The following SMG7 variants were observed in gnomAD, a reference collection of about 807,000 sequenced individuals.
SMG7 encodes SMG7 nonsense mediated mRNA decay factor.
Under a neutral mutation model 148.2 loss-of-function variants are expected in SMG7, and 34 were observed. The observed-to-expected ratio is 0.23, with a 90% CI of 0.17 to 0.31. The LOEUF is 0.31. Among genes scored for constraint, SMG7 ranks in the 10% least tolerant of loss-of-function variants. The pLI is 1.00. For synonymous variants in SMG7, 492 were observed against 515.1 expected (o/e 0.96, Z 0.61); for missense variants, 1,114 against 1,408.4 (o/e 0.79, Z 3.35).
intron 2 of SMG7, among the ~76,000 whole-genome samples, chr1:183,515,602 A>G (rs1259596290): frequency 7.0e-6 from 1 of 141,986 alleles, no homozygotes; most frequent in Non-Finnish European, 1.5e-5. Flanking sequence ...AGGGCAAACC[A>G]TTCTTTTTTT....
Position 183,553,404 on chromosome 1 carries a change from G to A in SMG7, c.*1473G>A, listed in dbSNP as rs903520358. 1.0e-5 allele frequency: 6 copies of A among 585,776 alleles called. No individual in the cohort carries two copies. The African/African-American group carries it at 1.1e-4, about 11-fold the overall frequency. The allele number at this position is 585,776 out of a possible 1,614,324, so 36.3% of individuals were successfully genotyped here. A position where few individuals can be genotyped will look rare whatever the true frequency, so the allele number is the denominator to read the frequency against. On this transcript the variant is annotated 3_prime_UTR_variant, in exon 23 of 23. Coordinates refer to ENST00000688051, the MANE Select transcript of SMG7 (RefSeq NM_001375584.1). ...CTCTCCTTTGTGTGTCTGTATGTTT[G>A]TGTACACACACGTGCCCATCTGCTG...
At chr1:183,532,253 G>T (rs1342101552) in intron 8 of SMG7, among the ~76,000 whole-genome samples, 1 of 152,090 alleles carries the variant, frequency 6.6e-6, no homozygotes, top group Non-Finnish European at 1.5e-5. Context: ...TCTGTTTTCC[G>T]CCATAATGCT....
intron 4 of SMG7, 52 bp from the exon 5 acceptor site, chr1:183,526,544 A>T: frequency 8.1e-7 from 1 of 1,240,164 alleles, no homozygotes; most frequent in Non-Finnish European, 1.2e-6. Flanking sequence ...TATAAACTTT[A>T]CTTTTAGAGC....
Position 183,506,209 on chromosome 1 carries a change from C to T in SMG7, c.30-6628C>T, listed in dbSNP as rs528351947. 1.8e-4 allele frequency among the ~76,000 whole-genome samples: 27 copies of T among 152,228 alleles called. No homozygotes were observed. In the East Asian group the frequency reaches 5.2e-3, roughly 29 times the overall value. ...TGTTGGTCCTTAATAAAACTAGGTACACATTTTTAAAGAATATAAATTATG... is the reference window on the plus strand; with the variant it reads ...TGTTGGTCCTTAATAAAACTAGGTATACATTTTTAAAGAATATAAATTATG... On this transcript the variant is annotated intron_variant, in intron 1 of 22. Transcript: ENST00000688051.
intron 4 of SMG7, among the ~76,000 whole-genome samples, chr1:183,522,288 C>T (rs911084231): frequency 2.0e-5 from 3 of 151,924 alleles, no homozygotes; most frequent in Non-Finnish European, 4.4e-5. Flanking sequence ...AGTAAAGAAC[C>T]CTGACTTAGT....
intron 1 of SMG7, among the ~76,000 whole-genome samples, chr1:183,491,261 A>T (rs527831211): frequency 1.6e-4 from 24 of 152,360 alleles, no homozygotes; most frequent in African/African-American, 5.8e-4. Context: ...ATTAATGCAC[A>T]TTGTTGTACA....
At chr1:183,545,662 T>C (rs1333386313) in intron 16 of SMG7, among the ~76,000 whole-genome samples, 9 of 152,190 alleles carry the variant, frequency 5.9e-5, no homozygotes, top group Admixed American at 2.0e-4. Context: ...CAATCTTAAA[T>C]GTTGTCGTTG....
intron 1 of SMG7, among the ~76,000 whole-genome samples, chr1:183,495,667 G>A (rs551150878): frequency 4.6e-5 from 7 of 152,188 alleles, no homozygotes; most frequent in African/African-American, 7.2e-5. Context: ...TCAGGAGTTC[G>A]AGACTAGCCT....
chr1:183,517,295 A>G (rs1399128115), intron 3 of SMG7, among the ~76,000 whole-genome samples: 1 of 152,176 alleles, frequency 6.6e-6, no homozygotes, highest in Non-Finnish European at 1.5e-5. Context: ...CCCCATATAC[A>G]TGTCACTTGT....
At chr1:183,509,526 A>G (rs974544218) in intron 1 of SMG7, among the ~76,000 whole-genome samples, 1 of 152,200 alleles carries the variant, frequency 6.6e-6, no homozygotes, top group Non-Finnish European at 1.5e-5. Context: ...TAAAACAGGA[A>G]TAAGTATAGC....
At chr1:183,502,049 A>G (rs1659849027) in intron 1 of SMG7, among the ~76,000 whole-genome samples, 1 of 152,220 alleles carries the variant, frequency 6.6e-6, no homozygotes, top group African/African-American at 2.4e-5. Context: ...ATTTTGGTCT[A>G]TAACTAGAAT....
chr1:183,542,967 G>GTT (rs1669194665), intron 14 of SMG7, among the ~76,000 whole-genome samples: 1 of 146,678 alleles, frequency 6.8e-6, no homozygotes, highest in South Asian at 2.1e-4. Context: ...GTGTGTGTGT[G>GTT]TGTATTTTTT....
chr1:183,508,610 T>C (rs1262752817), intron 1 of SMG7, among the ~76,000 whole-genome samples: 1 of 152,204 alleles, frequency 6.6e-6, no homozygotes, highest in Admixed American at 6.5e-5. Flanking sequence ...ACACTGTTTT[T>C]TAAAAAGAAA....
chr1:183,550,074 G>GAAA, intron 20 of SMG7, 151 bp downstream of exon 20: 2 of 447,170 alleles, frequency 4.5e-6, no homozygotes, highest in Non-Finnish European at 7.3e-6. Flanking sequence ...AAAGGAAATA[G>GAAA]AAAAAAAAAA....
chr1:183,476,746 T>C lies in SMG7; in HGVS notation c.29+4097T>C, dbSNP rs566781034. Among the ~76,000 whole-genome samples the C allele has an allele frequency of 1.2e-4, 15 of 127,236 alleles. No individual in the cohort carries two copies. In the East Asian group the frequency reaches 4.3e-3, roughly 36 times the overall value. The allele number at this position is 127,236 out of a possible 152,430, so 83.5% of individuals were successfully genotyped here. On this transcript the variant is annotated intron_variant, in intron 1 of 22. Transcript: ENST00000688051. ...GAGAATCAGTTAAGTTGAAAATACT[T>C]TGTTATGTTTTATAAAAATAAAAAT...
chr1:183,548,094 A>G (rs1572105392), intron 18 of SMG7, among the ~76,000 whole-genome samples: 1 of 152,230 alleles, frequency 6.6e-6, no homozygotes, highest in African/African-American at 2.4e-5. Flanking sequence ...CGTAAAATTA[A>G]AGTACATTAA....
At chr1:183,487,263 A>G (rs1655685203) in intron 1 of SMG7, among the ~76,000 whole-genome samples, 1 of 152,010 alleles carries the variant, frequency 6.6e-6, no homozygotes, top group South Asian at 2.1e-4. Context: ...TCCTTAGCTC[A>G]TGGCCCCCTT....
chr1:183,515,262 A>G (rs1472409521), intron 2 of SMG7, among the ~76,000 whole-genome samples: 1 of 150,270 alleles, frequency 6.7e-6, no homozygotes, highest in African/African-American at 2.4e-5. Flanking sequence ...GATTGCTCAC[A>G]AAAGTATCTT....
At chr1:183,525,461 A>G (rs1381727807) in intron 4 of SMG7, among the ~76,000 whole-genome samples, 1 of 152,178 alleles carries the variant, frequency 6.6e-6, no homozygotes, top group Admixed American at 6.5e-5. Flanking sequence ...GAGAAAGCAG[A>G]TATGAAAAGT....
Sources: gnomAD v4.1 joint callset for allele counts (sites outside exome capture counted in the v4.1 genomes callset) on GRCh38, gnomAD v4.1.1 for gene constraint, MANE v1.5 for transcripts, NCBI Gene and HGNC (gene_info 2026-07-23, HGNC 2026-07-21) for gene names.